Variants in NTN1 observed in about 807,000 individuals in gnomAD.
The protein encoded by NTN1 is netrin 1, also known as netrin-1.
Under a neutral mutation model 54.2 loss-of-function variants are expected in NTN1, and 11 were observed. The observed-to-expected ratio is 0.20, with a 90% CI of 0.13 to 0.34. The LOEUF (loss-of-function observed/expected upper bound fraction) is 0.34. Ranked by LOEUF, NTN1 falls within the 10% of genes least tolerant of loss-of-function variation. The pLI is 1.00. For missense variants in NTN1, 740 were observed against 893.1 expected, an observed-to-expected ratio of 0.83 and a Z score of 2.18; for synonymous variants, 371 against 382.0, an observed-to-expected ratio of 0.97 and a Z score of 0.33.
intron 5 of NTN1, among the ~76,000 whole-genome samples, chr17:9,192,309 A>T (rs7225466): frequency 0.61 from 92,941 of 152,034 alleles, 28,848 homozygotes; most frequent in Middle Eastern, 0.72. Context: ...CAGCAATGGG[A>T]TAGCCATATA....
chr17:9,025,007 T>C (rs570394818), intron 2 of NTN1, among the ~76,000 whole-genome samples: 1 of 152,352 alleles, frequency 6.6e-6, no homozygotes, highest in Admixed American at 6.5e-5. Flanking sequence ...GTAAAAGCCC[T>C]TTATTGACAT....
intron 2 of NTN1, among the ~76,000 whole-genome samples, chr17:9,113,330 G>T (rs964022345): frequency 8.6e-5 from 13 of 151,966 alleles, no homozygotes; most frequent in African/African-American, 2.9e-4. Flanking sequence ...CCTGTATACG[G>T]TATTTTTAAA....
At chr17:9,058,637 CAAAAAAAAA>C (rs3053457) in intron 2 of NTN1, among the ~76,000 whole-genome samples, 53 of 58,900 alleles carry the variant, frequency 9.0e-4, no homozygotes, top group African/African-American at 3.0e-3. Flanking sequence ...GGTAGGCACT[CAAAAAAAAA>C]AAAAAAAAAA....
At chr17:9,179,692 G>A (rs771583843) in intron 3 of NTN1, 115 bp from the exon 4 acceptor site, 35 of 1,314,698 alleles carry the variant, frequency 2.7e-5, no homozygotes, top group Non-Finnish European at 3.3e-5. Flanking sequence ...GCTCCCCATC[G>A]CTGCTCTTCC....
chr17:9,062,962 T>C (rs528100097), intron 2 of NTN1, among the ~76,000 whole-genome samples: 4 of 152,334 alleles, frequency 2.6e-5, no homozygotes, highest in Middle Eastern at 3.4e-3. Context: ...AAGTACATCT[T>C]TTTTGAGCTT....
the NTN1 span, among the ~76,000 whole-genome samples, chr17:9,007,392 CTCTT>C: frequency 7.0e-6 from 1 of 143,116 alleles, no homozygotes; most frequent in African/African-American, 2.6e-5. Context: ...TTGTCTTTCT[CTCTT>C]TCTCTCTTCT....
At chr17:9,139,938 C>T (rs9909645) in intron 2 of NTN1, among the ~76,000 whole-genome samples, 3,851 of 151,830 alleles carry the variant, frequency 0.025, 177 homozygotes, top group African/African-American at 0.087. Flanking sequence ...TCCATCCATC[C>T]ATCTGTCCAT....
Position 9,211,807 on chromosome 17 carries a change from G to A in NTN1, c.1412-9361G>A, listed in dbSNP as rs1285068180. ...AGATTGAACATGGGTGCATCTCTTT[G>A]TTCCCTTTTTATTTCCTCTTTTGTG... On this transcript the variant is annotated intron_variant, in intron 5 of 6. Coordinates refer to ENST00000173229, the MANE Select transcript of NTN1 (RefSeq NM_004822.3). The surrounding 1 kb of genome is among the most constrained non-coding windows in gnomAD (Gnocchi z 4.4). 6.6e-6 allele frequency among the ~76,000 whole-genome samples: 1 copy of A among 152,178 alleles called. No homozygotes were observed. Among genetic ancestry groups the A allele is most frequent in the African/African-American group, 2.4e-5 (1 of 41,440 alleles).
rs71361861 is a variant in NTN1 at position 9,119,486 on chromosome 17, C to CTTATTTAT, written c.1019-43301_1019-43294dup. On this transcript the variant is annotated intron_variant, in intron 2 of 6. Transcript: ENST00000173229. ...TACAGGCGTGAGCCACCGTGCCTGG[C>CTTATTTAT]TTATTTATTTATTTATTTATTTATT... 1.7e-3 allele frequency among the ~76,000 whole-genome samples: 248 copies of CTTATTTAT among 149,830 alleles called. 4 individuals carry two copies. The highest frequency in any genetic ancestry group is 3.4e-3 in the Middle Eastern group (1 of 294).
At chr17:9,192,179 T>A (rs1904481073) in intron 5 of NTN1, among the ~76,000 whole-genome samples, 1 of 152,208 alleles carries the variant, frequency 6.6e-6, no homozygotes, top group Admixed American at 6.5e-5. Context: ...TCTAGGAATT[T>A]AGCCAAAGGA....
At chr17:9,044,213 T>A (rs1183849824) in intron 2 of NTN1, among the ~76,000 whole-genome samples, 1 of 138,840 alleles carries the variant, frequency 7.2e-6, no homozygotes, top group Non-Finnish European at 1.5e-5. Context: ...AAATGTCCAA[T>A]TTTTTTTGCT....
intron 2 of NTN1, among the ~76,000 whole-genome samples, chr17:9,053,518 G>A (rs745803169): frequency 4.6e-5 from 7 of 152,202 alleles, no homozygotes; most frequent in East Asian, 1.9e-4. Context: ...CCCTGTGGAC[G>A]TTGCTGTAGA....
At chr17:9,168,388 C>T (rs576312446) in intron 3 of NTN1, among the ~76,000 whole-genome samples, 21 of 152,246 alleles carry the variant, frequency 1.4e-4, no homozygotes, top group South Asian at 8.3e-4. Flanking sequence ...CAAAATTAGC[C>T]GGGCGCAGTG....
At chr17:9,101,512 C>A (rs2092150181) in intron 2 of NTN1, among the ~76,000 whole-genome samples, 1 of 152,156 alleles carries the variant, frequency 6.6e-6, no homozygotes, top group African/African-American at 2.4e-5. Context: ...AAGTCCTGGC[C>A]CTTGGGACCC....
At chr17:9,096,832 T>C (rs2142238408) in intron 2 of NTN1, among the ~76,000 whole-genome samples, 1 of 152,348 alleles carries the variant, frequency 6.6e-6, no homozygotes, top group Non-Finnish European at 1.5e-5. Flanking sequence ...AATGGGAATG[T>C]CTTTAGTGTT....
intron 2 of NTN1, among the ~76,000 whole-genome samples, chr17:9,029,496 C>T (rs774089156): frequency 3.3e-4 from 50 of 152,190 alleles, no homozygotes; most frequent in Non-Finnish European, 6.5e-4. Context: ...CTCGGAGGGA[C>T]GGTTGTTCTG....
chr17:9,107,388 G>A (rs537935619), intron 2 of NTN1, among the ~76,000 whole-genome samples: 17 of 152,326 alleles, frequency 1.1e-4, no homozygotes, highest in Non-Finnish European at 2.2e-4. Context: ...TGTGATTTAT[G>A]CTGTTGCAAA....
intron 2 of NTN1, among the ~76,000 whole-genome samples, chr17:9,147,772 T>C (rs1264575316): frequency 6.6e-6 from 1 of 152,178 alleles, no homozygotes; most frequent in Non-Finnish European, 1.5e-5. Context: ...CCCTGTCTTA[T>C]CCTCTGTTTG....
At chr17:9,082,105 G>A (rs551362666) in intron 2 of NTN1, among the ~76,000 whole-genome samples, 1 of 152,274 alleles carries the variant, frequency 6.6e-6, no homozygotes, top group East Asian at 1.9e-4. Flanking sequence ...TGTCCCCCAG[G>A]CTGGAGTACA....
Sources: allele counts gnomAD v4.1 joint callset (sites outside exome capture counted in the v4.1 genomes callset), GRCh38; gene constraint gnomAD v4.1.1; non-coding constraint Gnocchi (gnomAD v3.1); transcripts MANE v1.5; gene names NCBI Gene and HGNC (gene_info 2026-07-23, HGNC 2026-07-21).